Variants in PRKN observed in about 807,000 individuals in gnomAD.
The protein encoded by PRKN is parkin RBR E3 ubiquitin protein ligase, also known as E3 ubiquitin-protein ligase parkin.
In PRKN, 56 loss-of-function variants were observed where a neutral mutation model predicts 59.5. The ratio of observed to expected loss-of-function variants is 0.94; its 90% confidence interval spans 0.76 to 1.18. The LOEUF (loss-of-function observed/expected upper bound fraction) is 1.18, where lower values mean the gene tolerates loss of function less well. Ranked by LOEUF, PRKN falls within the 50% of genes most tolerant of loss-of-function variation. The pLI is 0.00. For synonymous variants in PRKN, 250 were observed against 222.1 expected (o/e 1.13, Z -1.12); for missense variants, 657 against 596.4 (o/e 1.10, Z -1.06).
intron 9 of PRKN, among the ~76,000 whole-genome samples, chr6:161,426,451 GA>G (rs1374866011): frequency 6.6e-6 from 1 of 152,026 alleles, no homozygotes; most frequent in African/African-American, 2.4e-5. Flanking sequence ...AGAAAAACAT[GA>G]AAAGACTAGA....
At chr6:161,940,455 C>G (rs2128242925) in intron 6 of PRKN, among the ~76,000 whole-genome samples, 1 of 152,236 alleles carries the variant, frequency 6.6e-6, no homozygotes, top group East Asian at 1.9e-4. Context: ...CTCTCAACTT[C>G]TCTTGAAGTT....
intron 2 of PRKN, among the ~76,000 whole-genome samples, chr6:162,279,696 T>C (rs1242772979): frequency 6.6e-6 from 1 of 152,156 alleles, no homozygotes; most frequent in Non-Finnish European, 1.5e-5. Flanking sequence ...GACCGCTTGG[T>C]CTAGAGCTGA....
intron 4 of PRKN, among the ~76,000 whole-genome samples, chr6:162,079,755 C>A (rs1036912338): frequency 6.6e-6 from 1 of 152,008 alleles, no homozygotes; most frequent in Non-Finnish European, 1.5e-5. Flanking sequence ...TAGAGTTATG[C>A]GTGATTTTGA....
At chr6:162,675,444 G>A (rs548985699) in intron 1 of PRKN, among the ~76,000 whole-genome samples, 19 of 152,282 alleles carry the variant, frequency 1.2e-4, no homozygotes, top group East Asian at 1.2e-3. Flanking sequence ...AGCTCAGAAC[G>A]TGGATTGAGA....
intron 5 of PRKN, among the ~76,000 whole-genome samples, chr6:162,007,859 A>G (rs1404147824): frequency 6.6e-6 from 1 of 152,150 alleles, no homozygotes; most frequent in Non-Finnish European, 1.5e-5. Flanking sequence ...GCCAGAATCA[A>G]TATACATCCA....
At chr6:162,255,861 T>C (rs542271039) in intron 3 of PRKN, among the ~76,000 whole-genome samples, 1 of 152,280 alleles carries the variant, frequency 6.6e-6, no homozygotes, top group South Asian at 2.1e-4. Context: ...TAAACACTGG[T>C]TCAAACGATT....
intron 6 of PRKN, among the ~76,000 whole-genome samples, chr6:161,885,966 A>G (rs1795134004): frequency 6.6e-6 from 1 of 152,132 alleles, no homozygotes; most frequent in African/African-American, 2.4e-5. Flanking sequence ...TGGGGATATA[A>G]AATAATGGTT....
chr6:161,589,475 AT>A lies in PRKN; in HGVS notation c.872-20060del, dbSNP rs1169210782. On this transcript the variant is annotated intron_variant, in intron 7 of 11. Transcript: ENST00000366898. ...GGTAGAAGTTTGAAAGGAAATACAG[AT>A]TTTTTTTTTTTTCCTTTCAAAGAGC... Among the ~76,000 whole-genome samples, 508 of 146,122 alleles carry A rather than the reference AT, an allele frequency of 3.5e-3. 2 individuals are homozygous for A. The highest frequency in any genetic ancestry group is 8.5e-3 in the African/African-American group (342 of 40,130).
At chr6:162,557,421 G>A (rs1430317246) in intron 1 of PRKN, among the ~76,000 whole-genome samples, 1 of 152,212 alleles carries the variant, frequency 6.6e-6, no homozygotes, top group African/African-American at 2.4e-5. Context: ...ACGTGGTCTT[G>A]CCCTGAACCC....
At chr6:161,785,610 T>C (rs1412904335) in intron 7 of PRKN, among the ~76,000 whole-genome samples, 162 bp downstream of exon 7, 1 of 152,230 alleles carries the variant, frequency 6.6e-6, no homozygotes, top group African/African-American at 2.4e-5. Flanking sequence ...TCCCCAGAAC[T>C]TTTATCTTTT....
rs373871165 is a variant in PRKN, at chr6:162,414,709, T to TGAAAAAAAAAAAAAA, written c.171+28600_171+28601insTTTTTTTTTTTTTTC. Among the ~76,000 whole-genome samples the TGAAAAAAAAAAAAAA allele has an allele frequency of 9.5e-3, 422 of 44,458 alleles. 80 individuals are homozygous for TGAAAAAAAAAAAAAA. Among genetic ancestry groups the TGAAAAAAAAAAAAAA allele is most frequent in the East Asian group, 0.014 (13 of 912 alleles). The allele number at this position is 44,458 out of a possible 152,430, so 29.2% of individuals were successfully genotyped here. A position where few individuals can be genotyped will look rare whatever the true frequency, so the allele number is the denominator to read the frequency against. Reference sequence around the variant, plus strand: ...CTGGTCAACTGAGCAAGACTCCGTCTCAAAAAAAAAAAAAAAAAGTGAATC... The same window carrying TGAAAAAAAAAAAAAA: ...CTGGTCAACTGAGCAAGACTCCGTCTGAAAAAAAAAAAAAACAAAAAAAAAAAAAAAAAGTGAATC... On this transcript the variant is annotated intron_variant, in intron 2 of 11. Coordinates refer to ENST00000366898, the MANE Select transcript of PRKN (RefSeq NM_004562.3).
At chr6:162,068,383 C>T (rs1778427322) in intron 4 of PRKN, among the ~76,000 whole-genome samples, 1 of 152,196 alleles carries the variant, frequency 6.6e-6, no homozygotes, top group African/African-American at 2.4e-5. Flanking sequence ...AAACAACATG[C>T]TTTTATGATC....
At chr6:161,603,950 C>T (rs1782190550) in intron 7 of PRKN, among the ~76,000 whole-genome samples, 1 of 152,186 alleles carries the variant, frequency 6.6e-6, no homozygotes, top group African/African-American at 2.4e-5. Flanking sequence ...TATAAAACAG[C>T]CCCTTCTACT....
At chr6:162,546,193 T>G (rs1779112300) in intron 1 of PRKN, among the ~76,000 whole-genome samples, 1 of 151,614 alleles carries the variant, frequency 6.6e-6, no homozygotes, top group Admixed American at 6.6e-5. Context: ...AACCTCTGTT[T>G]CCTGGGTTCA....
At chr6:161,665,519 A>G (rs1412156866) in intron 7 of PRKN, among the ~76,000 whole-genome samples, 1 of 152,166 alleles carries the variant, frequency 6.6e-6, no homozygotes, top group Non-Finnish European at 1.5e-5. Context: ...ATGATTTCTT[A>G]ATACTATCAT....
chr6:162,160,100 T>C (rs1782690252), intron 4 of PRKN, among the ~76,000 whole-genome samples: 1 of 152,200 alleles, frequency 6.6e-6, no homozygotes, highest in Admixed American at 6.5e-5. Flanking sequence ...GTTTAGGGAA[T>C]GCAAAGACAA....
rs1267757057 is a variant in PRKN, at chr6:161,471,626, G to A, written c.1083+77228C>T. On this transcript the variant is annotated intron_variant, in intron 9 of 11. Coordinates refer to ENST00000366898, the MANE Select transcript of PRKN (RefSeq NM_004562.3). The surrounding 1 kb of genome is among the most constrained non-coding windows in gnomAD (Gnocchi z 4.5). ...ATGCTCTTGAATTGGATGGTCTATC[G>A]GAAACAGAATCAGGATTCAAAAACA... Among the ~76,000 whole-genome samples, 5 of 152,056 alleles carry A rather than the reference G, an allele frequency of 3.3e-5. No homozygotes were observed. Among genetic ancestry groups the A allele is most frequent in the African/African-American group, 7.2e-5 (3 of 41,388 alleles).
chr6:161,523,954 G>A lies in PRKN; in HGVS notation c.1083+24900C>T, dbSNP rs115039338. ...AGAGAGACTGGGAATAACATTTCCC[G>A]TATCACTTGGGAAGTAAGAGGAAAA... On this transcript the variant is annotated intron_variant, in intron 9 of 11. Coordinates refer to ENST00000366898, the MANE Select transcript of PRKN (RefSeq NM_004562.3). 4.8e-3 allele frequency among the ~76,000 whole-genome samples: 732 copies of A among 152,126 alleles called. 8 individuals are homozygous for A. The highest frequency in any genetic ancestry group is 0.017 in the Middle Eastern group (5 of 294).
chr6:161,927,894 C>G (rs1300211862), intron 6 of PRKN, among the ~76,000 whole-genome samples: 1 of 152,116 alleles, frequency 6.6e-6, no homozygotes, highest in Non-Finnish European at 1.5e-5. Flanking sequence ...TTAGAACAAT[C>G]TGTATATCAT....
Sources: gnomAD v4.1 joint callset for allele counts (sites outside exome capture counted in the v4.1 genomes callset) on GRCh38, gnomAD v4.1.1 for gene constraint, Gnocchi (gnomAD v3.1) non-coding constraint, MANE v1.5 for transcripts, NCBI Gene and HGNC (gene_info 2026-07-23, HGNC 2026-07-21) for gene names.